Variants in DEPDC4 observed in about 807,000 individuals in gnomAD.
DEPDC4 encodes DEP domain-containing protein 4.
DEPDC4 carries 52 observed loss-of-function variants against 52.0 expected under a neutral mutation model. The ratio of observed to expected loss-of-function variants is 1.00; its 90% CI spans 0.80 to 1.26. The LOEUF is 1.26. Among genes scored for constraint, DEPDC4 ranks in the 50% most tolerant of loss-of-function variants. DEPDC4 has a pLI of 0.00. For missense variants in DEPDC4, 530 were observed against 546.9 expected (o/e 0.97, Z 0.31); for synonymous variants, 201 against 196.8 (o/e 1.02, Z -0.18).
At position 100,259,424 on chromosome 12, in the gene DEPDC4, T is replaced by TA. The variant is rs538895405; in HGVS notation, c.700+2839dup. 1.5e-4 allele frequency among the ~76,000 whole-genome samples: 23 copies of TA among 152,230 alleles called. No homozygotes were observed. The South Asian group carries it at 4.8e-3, about 32-fold the overall frequency. ...TTGTAGGTGAAAATGTGTATGAATG[T>TA]AAAAAACCAAGCAAAACAGAAAACA... is the stretch of plus-strand genomic sequence containing the variant. On this transcript the variant is annotated intron_variant, in intron 3 of 9. Coordinates refer to ENST00000550587, the MANE Select transcript of DEPDC4 (RefSeq NM_001364818.2).
intron 8 of DEPDC4, among the ~76,000 whole-genome samples, chr12:100,245,690 T>C (rs554243316): frequency 8.0e-4 from 122 of 152,288 alleles, no homozygotes; most frequent in Middle Eastern, 3.4e-3. Context: ...CTACATAATT[T>C]CTCACTGTGT....
intron 8 of DEPDC4, among the ~76,000 whole-genome samples, chr12:100,244,093 GTGTATATATATA>G (rs1452728204): frequency 0.019 from 1,691 of 89,292 alleles, 98 homozygotes; most frequent in Middle Eastern, 0.066. Flanking sequence ...CTCTCTCTCT[GTGTATATATATA>G]TATATATATA....
chr12:100,244,560 G>A (rs1008381317), intron 8 of DEPDC4, among the ~76,000 whole-genome samples: 1 of 151,498 alleles, frequency 6.6e-6, no homozygotes, highest in African/African-American at 2.4e-5. Context: ...ATTGCAGCCT[G>A]GACCTCCTGC....
upstream of DEPDC4, among the ~76,000 whole-genome samples, chr12:100,269,335 A>G (rs1020874307): frequency 6.6e-6 from 1 of 151,710 alleles, no homozygotes; most frequent in African/African-American, 2.4e-5. Context: ...TTCTTTTTTT[A>G]GCCAATTATG....
At chr12:100,238,187 T>C, downstream of DEPDC4, 1 of 364,642 alleles carries the variant, frequency 2.7e-6, no homozygotes, top group Non-Finnish European at 3.8e-6. Flanking sequence ...GTTGCTTTTT[T>C]TTTTTTTGAC....
At chr12:100,254,319 C>CA (rs1566318429) in intron 4 of DEPDC4, among the ~76,000 whole-genome samples, 2 of 89,436 alleles carry the variant, frequency 2.2e-5, no homozygotes, top group Non-Finnish European at 4.0e-5. Flanking sequence ...TTTTTTTTGA[C>CA]TTTTTTTTTT....
chr12:100,267,014 ACGGAACCT>A lies in DEPDC4; in HGVS notation c.55_62del (p.Arg19Ter), dbSNP rs1300476180. The A allele has an allele frequency of 1.2e-5, 20 of 1,613,940 alleles. No individual in the cohort carries two copies. Among genetic ancestry groups the A allele is most frequent in the Non-Finnish European group, 1.6e-5 (19 of 1,179,980 alleles). On this transcript the variant is annotated frameshift_variant, in exon 1 of 10. Coordinates refer to ENST00000550587, the MANE Select transcript of DEPDC4 (RefSeq NM_001364818.2). LOFTEE classifies it high-confidence loss of function. ...GAAGCTCGTTCTGACTGACAAGTCTACGGAACCTCGGAGTCAAAAGAACCGCCATAAGC... is the reference window on the plus strand; with the variant it reads ...GAAGCTCGTTCTGACTGACAAGTCTACGGAGTCAAAAGAACCGCCATAAGC...
intron 1 of DEPDC4, 42 bp downstream of exon 1, chr12:100,266,878 C>A: frequency 6.3e-7 from 1 of 1,590,400 alleles, no homozygotes; most frequent in Non-Finnish European, 8.6e-7. Flanking sequence ...CAGCTGCCCC[C>A]TCCACCTTCA....
At chr12:100,234,226 C>T (rs2096138194) in intron 9 of DEPDC4, among the ~76,000 whole-genome samples, 1 of 152,202 alleles carries the variant, frequency 6.6e-6, no homozygotes, top group African/African-American at 2.4e-5. Context: ...AAAATAGGTA[C>T]AGGGACCACT....
rs2096160355 is a variant in DEPDC4 at position 100,241,855 on chromosome 12, A to G, written c.*47-10T>C. 13 of 1,197,306 alleles carry G rather than the reference A, an allele frequency of 1.1e-5. No homozygotes were observed. The highest frequency in any genetic ancestry group is 2.3e-4 in the Middle Eastern group (1 of 4,308). 74.2% of individuals were successfully genotyped at this position (1,197,306 alleles called of 1,614,324 possible). A position where few individuals can be genotyped will look rare whatever the true frequency, so the allele number is the denominator to read the frequency against. On this transcript the variant is annotated splice_polypyrimidine_tract_variant and intron_variant, in intron 9 of 9. Coordinates refer to ENST00000550587, the MANE Select transcript of DEPDC4 (RefSeq NM_001364818.2). Reference sequence around the variant, plus strand: ...TGGCAAAACGTAAAGCCTGGAAAAAAAAAAAAAAAACAAAAGAAAAAGAAA... The same window carrying G: ...TGGCAAAACGTAAAGCCTGGAAAAAGAAAAAAAAAACAAAAGAAAAAGAAA...
chr12:100,237,207 CTTTTTTT>C (rs55710732), downstream of DEPDC4, among the ~76,000 whole-genome samples: 8 of 136,168 alleles, frequency 5.9e-5, no homozygotes, highest in East Asian at 1.0e-3. Context: ...TTTTCTTTTT[CTTTTTTT>C]TTTTTTTTGA....
chr12:100,271,056 T>C (rs2096287082), upstream of DEPDC4, among the ~76,000 whole-genome samples: 1 of 152,118 alleles, frequency 6.6e-6, no homozygotes, highest in South Asian at 2.1e-4. Flanking sequence ...ATGATTATAC[T>C]CAGCTGGTTT....
At position 100,241,693 on chromosome 12, in the gene DEPDC4, GT is replaced by G; in HGVS notation, c.*198del. The G allele has an allele frequency of 8.0e-7, 1 of 1,253,496 alleles. No homozygotes were observed. The highest frequency in any genetic ancestry group is 1.0e-6 in the Non-Finnish European group (1 of 974,364). The allele number at this position is 1,253,496 out of a possible 1,614,324, so 77.6% of individuals were successfully genotyped here. ...TGTTAATTCAAAGCTTCTGGATGGT[GT>G]TTTTGAAATTCCTTAATTAATTTCT... On this transcript the variant is annotated 3_prime_UTR_variant, in exon 10 of 10. Coordinates refer to ENST00000550587, the MANE Select transcript of DEPDC4 (RefSeq NM_001364818.2).
downstream of DEPDC4, among the ~76,000 whole-genome samples, chr12:100,236,463 T>C (rs1664435147): frequency 6.6e-6 from 1 of 152,188 alleles, no homozygotes; most frequent in African/African-American, 2.4e-5. Flanking sequence ...CATTTTTTCA[T>C]ATGTTTGTTG....
upstream of DEPDC4, chr12:100,267,279 G>A (rs1322593160): frequency 1.7e-6 from 1 of 582,926 alleles, no homozygotes; most frequent in Non-Finnish European, 3.0e-6. Flanking sequence ...CGGAGGATAT[G>A]GAGTAAAGCC....
intron 3 of DEPDC4, among the ~76,000 whole-genome samples, chr12:100,257,335 C>T (rs1437053737): frequency 1.3e-5 from 2 of 152,068 alleles, no homozygotes; most frequent in African/African-American, 4.8e-5. Flanking sequence ...GCCTTGGCCT[C>T]CCAAAGTGCT....
chr12:100,271,820 G>C (rs555632043), upstream of DEPDC4, among the ~76,000 whole-genome samples: 2 of 152,168 alleles, frequency 1.3e-5, no homozygotes, highest in Non-Finnish European at 2.9e-5. Flanking sequence ...ATATATTCTT[G>C]GGGAAGTATA....
chr12:100,259,687 T>C (rs1369824791), intron 3 of DEPDC4, among the ~76,000 whole-genome samples: 1 of 152,052 alleles, frequency 6.6e-6, no homozygotes, highest in East Asian at 1.9e-4. Context: ...CAAATCCCCA[T>C]TTTCCCTTTT....
At position 100,252,479 on chromosome 12, in the gene DEPDC4, A is replaced by G. The variant is rs2096212350; in HGVS notation, c.1163T>C (p.Leu388Ser). The change falls in exon 6 of 10, where the codon TTG becomes TCG. Residue 388 changes from leucine (L) to serine (S), a missense_variant. Physicochemically the swap from Leu to Ser is moderately radical, Grantham distance 145 (BLOSUM62 -2). Coordinates refer to ENST00000550587, the MANE Select transcript of DEPDC4 (RefSeq NM_001364818.2). The part of the protein sequence containing the change: ...EATQLYLRLL[L>S]LNIREELRRL... ...TCGTAATTCTTCTCTAATGTTCAGC[A>G]ACAGCAATCTTAGATATAGTTGTGT... 1 of 1,609,080 alleles carries G rather than the reference A, an allele frequency of 6.2e-7. No homozygotes were observed.
Sources: gnomAD v4.1 joint callset for allele counts (sites outside exome capture counted in the v4.1 genomes callset) on GRCh38, gnomAD v4.1.1 for gene constraint, MANE v1.5 for transcripts, NCBI Gene and HGNC (gene_info 2026-07-23, HGNC 2026-07-21) for gene names.